The following DZANK1 variants were observed in gnomAD, a reference collection of about 807,000 sequenced individuals.
DZANK1 encodes the protein double zinc ribbon and ankyrin repeat domains 1, also known as double zinc ribbon and ankyrin repeat-containing protein 1.
Under a neutral mutation model 94.5 loss-of-function variants are expected in DZANK1, and 91 were observed. The ratio of observed to expected loss-of-function variants is 0.96; its 90% CI spans 0.81 to 1.15. The LOEUF (loss-of-function observed/expected upper bound fraction) is 1.15, where lower values mean the gene tolerates loss of function less well. DZANK1 is among the 50% of genes most tolerant of loss of function. The pLI, the probability that DZANK1 is intolerant of heterozygous loss-of-function variation, is 0.00. For synonymous variants in DZANK1, 312 were observed against 325.3 expected (o/e 0.96, Z 0.44); for missense variants, 903 against 916.4 (o/e 0.99, Z 0.19).
At chr20:18,416,748 T>C (rs2057507905) in intron 10 of DZANK1, among the ~76,000 whole-genome samples, 1 of 151,984 alleles carries the variant, frequency 6.6e-6, no homozygotes. Flanking sequence ...GAGGGCCTCT[T>C]TGTGTGCGCT....
chr20:18,435,743 C>T (rs751754637), intron 8 of DZANK1, among the ~76,000 whole-genome samples: 2 of 151,260 alleles, frequency 1.3e-5, no homozygotes, highest in East Asian at 3.9e-4. Context: ...CACATGTATC[C>T]CAGAACTTAA....
At chr20:18,448,738 G>A (rs140973360) in intron 7 of DZANK1, among the ~76,000 whole-genome samples, 2,181 of 151,944 alleles carry the variant, frequency 0.014, 24 homozygotes, top group Middle Eastern at 0.045. Context: ...GTGGTGGCGC[G>A]TGCCTGTAAT....
At chr20:18,461,785 A>G (rs554989185) in intron 2 of DZANK1, among the ~76,000 whole-genome samples, 8 of 152,212 alleles carry the variant, frequency 5.3e-5, no homozygotes, top group Admixed American at 3.3e-4. Flanking sequence ...TTTTTAGTAG[A>G]GACGGGGTTT....
intron 14 of DZANK1, among the ~76,000 whole-genome samples, chr20:18,396,770 C>T (rs2056367445): frequency 6.6e-6 from 1 of 152,170 alleles, no homozygotes; most frequent in East Asian, 1.9e-4. Flanking sequence ...CTAAACTCTA[C>T]TAATTATAAA....
chr20:18,390,064 G>A (rs940943101), intron 18 of DZANK1, among the ~76,000 whole-genome samples: 2 of 152,152 alleles, frequency 1.3e-5, no homozygotes, highest in African/African-American at 2.4e-5. Context: ...GGGAGGGCAG[G>A]CACCCTGACA....
rs545453183 is a variant in DZANK1 at position 18,401,452 on chromosome 20, ACAT to A, written c.1433-2829_1433-2827del. Among the ~76,000 whole-genome samples the A allele has an allele frequency of 1.6e-3, 248 of 152,340 alleles. 1 individual carries two copies. Among genetic ancestry groups the A allele is most frequent in the Admixed American group, 3.3e-3 (51 of 15,302 alleles). On this transcript the variant is annotated intron_variant, in intron 13 of 20. Transcript: ENST00000262547. ...ACACCCCAAAACTTAGTGGTTTAAA[ACAT>A]CAACCACTTTACTGCCCATACTTCT... is the stretch of plus-strand genomic sequence containing the variant.
chr20:18,385,127 T>C, intron 19 of DZANK1, 37 bp from the exon 20 acceptor site: 2 of 1,546,000 alleles, frequency 1.3e-6, no homozygotes, highest in South Asian at 1.2e-5. Context: ...AAATCCTTAG[T>C]TAGCATCATC....
chr20:18,450,567 T>G (rs2424195), intron 6 of DZANK1, among the ~76,000 whole-genome samples: 152,029 of 152,358 alleles, frequency 1, 75,853 homozygotes, highest in Middle Eastern at 1. Context: ...AAAGATGTAG[T>G]TTTCTGCCTT....
At chr20:18,399,394 TA>T (rs1366088023) in intron 13 of DZANK1, among the ~76,000 whole-genome samples, 1 of 151,946 alleles carries the variant, frequency 6.6e-6, no homozygotes, top group Non-Finnish European at 1.5e-5. Context: ...AACGCCTGGC[TA>T]GTGTTTGTAT....
At chr20:18,444,321 G>T (rs117454030) in intron 7 of DZANK1, among the ~76,000 whole-genome samples, 1 of 152,214 alleles carries the variant, frequency 6.6e-6, no homozygotes, top group Non-Finnish European at 1.5e-5. Context: ...AGCAACAACA[G>T]TTCCCTCTTT....
At chr20:18,425,368 T>C (rs1418480813) in intron 10 of DZANK1, among the ~76,000 whole-genome samples, 3 of 152,112 alleles carry the variant, frequency 2.0e-5, no homozygotes, top group African/African-American at 7.2e-5. Flanking sequence ...CTGGCCAACA[T>C]GGTGAAACCC....
At chr20:18,459,560 G>GT (rs551262387) in intron 3 of DZANK1, among the ~76,000 whole-genome samples, 17 of 151,440 alleles carry the variant, frequency 1.1e-4, no homozygotes, top group East Asian at 1.9e-4. Flanking sequence ...AGGATTTGAG[G>GT]TTTTTTTTTG....
chr20:18,409,583 C>CACACACACACACA (rs1555858807), intron 13 of DZANK1, among the ~76,000 whole-genome samples: 45 of 140,924 alleles, frequency 3.2e-4, no homozygotes, highest in Admixed American at 7.2e-4. Flanking sequence ...CACACACACA[C>CACACACACACACA]CACCACCACC....
intron 10 of DZANK1, among the ~76,000 whole-genome samples, chr20:18,417,425 C>A (rs2057544641): frequency 6.6e-6 from 1 of 152,142 alleles, no homozygotes; most frequent in South Asian, 2.1e-4. Context: ...TCAAGAATTC[C>A]AGAAGTTCCA....
intron 10 of DZANK1, among the ~76,000 whole-genome samples, chr20:18,424,623 G>T (rs2057952235): frequency 6.6e-6 from 1 of 152,084 alleles, no homozygotes; most frequent in Non-Finnish European, 1.5e-5. Context: ...GTTCCTACCA[G>T]CAATATATGA....
chr20:18,431,482 T>C (rs1204632645), intron 9 of DZANK1, among the ~76,000 whole-genome samples: 1 of 152,212 alleles, frequency 6.6e-6, no homozygotes, highest in Non-Finnish European at 1.5e-5. Flanking sequence ...TCCCACCAAC[T>C]TCAGAGGTGG....
chr20:18,451,551 T>C (rs2059102423), intron 6 of DZANK1, among the ~76,000 whole-genome samples: 1 of 152,162 alleles, frequency 6.6e-6, no homozygotes, highest in Admixed American at 6.5e-5. Flanking sequence ...CATCAACATA[T>C]TGAATATTTC....
At chr20:18,402,003 C>G (rs184785845) in intron 13 of DZANK1, among the ~76,000 whole-genome samples, 174 of 152,266 alleles carry the variant, frequency 1.1e-3, no homozygotes, top group Middle Eastern at 3.4e-3. Flanking sequence ...ACATTTATAT[C>G]TGGAAGACTT....
At chr20:18,443,771 T>C (rs182992071) in intron 7 of DZANK1, among the ~76,000 whole-genome samples, 85 of 152,290 alleles carry the variant, frequency 5.6e-4, no homozygotes, top group Middle Eastern at 3.4e-3. Context: ...CTCTGGCTTG[T>C]CCTGTCACAT....
Sources: allele counts gnomAD v4.1 joint callset (sites outside exome capture counted in the v4.1 genomes callset), GRCh38; gene constraint gnomAD v4.1.1; transcripts MANE v1.5; gene names NCBI Gene and HGNC (gene_info 2026-07-23, HGNC 2026-07-21).